RAPGEF2: variants seen among roughly 807,000 people sequenced by gnomAD.
The protein encoded by RAPGEF2 is PDZ domain containing guanine nucleotide exchange factor (GEF) 1.
A neutral mutation model predicts 186.7 loss-of-function variants in RAPGEF2; 54 were observed. That is an observed-to-expected ratio of 0.29 (90% CI 0.23 to 0.36). RAPGEF2 has a LOEUF of 0.36. Ranked by LOEUF, RAPGEF2 falls within the 10% of genes least tolerant of loss-of-function variation. The probability of loss-of-function intolerance (pLI) is 1.00; values close to 1 mark genes in which losing one functional copy is unlikely to be tolerated. For missense variants in RAPGEF2, 1,532 were observed against 2,045.0 expected (o/e 0.75, Z 4.84); for synonymous variants, 712 against 705.9 (o/e 1.01, Z -0.14).
rs534937420 is a variant in RAPGEF2 at position 159,322,516 on chromosome 4, C to A, written c.990+33C>A. On this transcript the variant is annotated intron_variant, in intron 10 of 29. Coordinates refer to ENST00000691494, the MANE Select transcript of RAPGEF2 (RefSeq NM_001394067.2). ...ACTATTCCTACCACTTAAAAAGTTT[C>A]TTCTTAAAGATATCTCAATACAGCA... The A allele has an allele frequency of 3.4e-5, 55 of 1,594,546 alleles. No individual in the cohort carries two copies. The South Asian group carries it at 5.0e-4, about 15-fold the overall frequency.
Position 159,352,666 on chromosome 4 carries a change from G to A in RAPGEF2, c.3866-19G>A, listed in dbSNP as rs375301985. ...TAAACCTAGAGAGTCTAATTAATAC[G>A]GTTGTATTTCTCATGCAGGCTATAC... On this transcript the variant is annotated intron_variant, in intron 26 of 29. Transcript: ENST00000691494. The A allele has an allele frequency of 1.5e-4, 231 of 1,568,592 alleles. No homozygotes were observed. The highest frequency in any genetic ancestry group is 2.0e-4 in the Admixed American group (12 of 59,912).
chr4:159,329,965 A>T lies in RAPGEF2; in HGVS notation c.1257A>T (p.Arg419=). The part of the protein sequence containing the change: ...EGEIVMVKEH[R]ELDRTGTRKG... ...AGATTGTTATGGTGAAAGAACACCGAGAACTTGATCGAACTGGAACAAGAA... is the reference window on the plus strand; with the variant it reads ...AGATTGTTATGGTGAAAGAACACCGTGAACTTGATCGAACTGGAACAAGAA... The change falls in exon 12 of 30, where the codon CGA becomes CGT. Residue 419 remains arginine, a synonymous_variant. Coordinates refer to ENST00000691494, the MANE Select transcript of RAPGEF2 (RefSeq NM_001394067.2). 6.2e-7 allele frequency: 1 copy of T among 1,613,662 alleles called. No homozygotes were observed. Among genetic ancestry groups the T allele is most frequent in the South Asian group, 1.1e-5 (1 of 91,038 alleles).
intron 4 of RAPGEF2, among the ~76,000 whole-genome samples, chr4:159,217,388 C>A (rs1380704178): frequency 6.6e-6 from 1 of 152,118 alleles, no homozygotes; most frequent in Admixed American, 6.5e-5. Flanking sequence ...GAGTACCTAA[C>A]GTTTAGCTCC....
At chr4:159,179,356 C>G (rs1027642764) in intron 1 of RAPGEF2, among the ~76,000 whole-genome samples, 2 of 152,062 alleles carry the variant, frequency 1.3e-5, no homozygotes, top group Non-Finnish European at 2.9e-5. Context: ...ATTTAACTCT[C>G]CAGCATTATT....
chr4:159,186,893 G>A (rs1747609220), intron 2 of RAPGEF2, among the ~76,000 whole-genome samples, 181 bp downstream of exon 2: 1 of 152,044 alleles, frequency 6.6e-6, no homozygotes, highest in Non-Finnish European at 1.5e-5. Context: ...GGGATTATTA[G>A]CATGTCCATC....
chr4:159,124,865 T>C (rs1349709402), intron 1 of RAPGEF2, among the ~76,000 whole-genome samples: 3 of 152,176 alleles, frequency 2.0e-5, no homozygotes, highest in African/African-American at 7.2e-5. Flanking sequence ...TTAAAGATAC[T>C]AGGTATAATA....
At chr4:159,210,385 G>A (rs768210468) in intron 3 of RAPGEF2, 115 bp from the exon 4 acceptor site, 2 of 635,100 alleles carry the variant, frequency 3.1e-6, no homozygotes, top group Non-Finnish European at 5.4e-6. Flanking sequence ...TGTGTTGTAT[G>A]CTATTCTTTA....
intron 7 of RAPGEF2, among the ~76,000 whole-genome samples, chr4:159,290,334 G>C (rs746364423): frequency 1.3e-5 from 2 of 152,166 alleles, no homozygotes; most frequent in South Asian, 4.1e-4. Flanking sequence ...TCCTGCTTTT[G>C]TGTATGTGCA....
chr4:159,272,651 G>A (rs1423484628), intron 7 of RAPGEF2, among the ~76,000 whole-genome samples: 1 of 152,222 alleles, frequency 6.6e-6, no homozygotes, highest in Non-Finnish European at 1.5e-5. Context: ...TTTATCAGCT[G>A]TTAAGAGTAC....
At chr4:159,182,735 T>C (rs1747151006) in intron 1 of RAPGEF2, among the ~76,000 whole-genome samples, 1 of 152,192 alleles carries the variant, frequency 6.6e-6, no homozygotes, top group Non-Finnish European at 1.5e-5. Context: ...CCTTATCTAG[T>C]TATTCTGTGA....
intron 7 of RAPGEF2, among the ~76,000 whole-genome samples, chr4:159,271,452 T>C (rs1040045402): frequency 1.3e-5 from 2 of 152,232 alleles, no homozygotes; most frequent in Non-Finnish European, 2.9e-5. Context: ...CTGTAACTTA[T>C]TGAGTAATGT....
At chr4:159,113,808 G>A (rs565679044) in intron 1 of RAPGEF2, among the ~76,000 whole-genome samples, 1 of 150,324 alleles carries the variant, frequency 6.7e-6, no homozygotes, top group African/African-American at 2.5e-5. Context: ...GAAGAGCCTA[G>A]TACCTTTTAA....
chr4:159,255,871 A>C (rs1756098926), intron 7 of RAPGEF2, among the ~76,000 whole-genome samples: 1 of 152,116 alleles, frequency 6.6e-6, no homozygotes, highest in African/African-American at 2.4e-5. Flanking sequence ...AACAGATTTT[A>C]AGTTTGCTTT....
chr4:159,156,466 C>T (rs1744131813), intron 1 of RAPGEF2, among the ~76,000 whole-genome samples: 1 of 151,056 alleles, frequency 6.6e-6, no homozygotes, highest in African/African-American at 2.4e-5. Flanking sequence ...TTTTTTTAGC[C>T]TGAGGAACTT....
intron 25 of RAPGEF2, 41 bp from the exon 26 acceptor site, chr4:159,350,096 C>T (rs1730954407): frequency 7.3e-7 from 1 of 1,364,922 alleles, no homozygotes; most frequent in Non-Finnish European, 9.8e-7. Context: ...TATTTTCAGA[C>T]TTGAAAATAC....
intron 1 of RAPGEF2, among the ~76,000 whole-genome samples, chr4:159,127,755 T>C (rs1326671731): frequency 2.0e-5 from 3 of 152,208 alleles, no homozygotes; most frequent in Non-Finnish European, 4.4e-5. Context: ...AGAATACTAA[T>C]GGGGTATATA....
rs983644835 is a variant in RAPGEF2 at position 159,148,582 on chromosome 4, C to A, written c.70-38060C>A. Among the ~76,000 whole-genome samples the A allele has an allele frequency of 2.0e-5, 3 of 152,142 alleles. No individual in the cohort carries two copies. The South Asian group carries it at 6.2e-4, about 31-fold the overall frequency. ...ACATATGGTGGTCCATGTTTAACTA[C>A]TCCTATTGAATGCCAACTCTTCTAT... On this transcript the variant is annotated intron_variant, in intron 1 of 29. Transcript: ENST00000691494.
At chr4:159,215,082 C>G (rs994021448) in intron 4 of RAPGEF2, among the ~76,000 whole-genome samples, 1 of 152,190 alleles carries the variant, frequency 6.6e-6, no homozygotes, top group South Asian at 2.1e-4. Flanking sequence ...AGGCTGCTCT[C>G]GAACTCCTGA....
At chr4:159,124,047 C>T (rs540074330) in intron 1 of RAPGEF2, among the ~76,000 whole-genome samples, 2 of 150,836 alleles carry the variant, frequency 1.3e-5, no homozygotes, top group African/African-American at 2.4e-5. Flanking sequence ...GTAGAGATGG[C>T]GTTTCGCCAT....
Sources: allele counts gnomAD v4.1 joint callset (sites outside exome capture counted in the v4.1 genomes callset), GRCh38; gene constraint gnomAD v4.1.1; transcripts MANE v1.5; gene names NCBI Gene and HGNC (gene_info 2026-07-23, HGNC 2026-07-21).